The following PLEKHA8 variants were observed in gnomAD, a reference collection of about 807,000 sequenced individuals.
The protein encoded by PLEKHA8 is pleckstrin homology domain containing A8, also known as pleckstrin homology domain-containing family A member 8.
PLEKHA8 carries 36 observed loss-of-function variants against 68.2 expected under a neutral mutation model. The observed-to-expected ratio is 0.53, with a 90% CI of 0.40 to 0.70. PLEKHA8 has a LOEUF of 0.70. PLEKHA8 is among the 30% of genes least tolerant of loss of function. The pLI, the probability that PLEKHA8 is intolerant of heterozygous loss-of-function variation, is 0.00. For synonymous variants in PLEKHA8, 211 were observed against 216.1 expected, an observed-to-expected ratio of 0.98 and a Z score of 0.20; for missense variants, 505 against 615.4, an observed-to-expected ratio of 0.82 and a Z score of 1.90.
At chr7:30,115,817 T>TGCAC (rs1796463631) in intron 13 of PLEKHA8, 1 of 135,670 alleles carries the variant, frequency 7.4e-6, no homozygotes, top group African/African-American at 3.0e-5. Flanking sequence ...CGCATGCATG[T>TGCAC]ATACATGCGT....
chr7:30,084,632 TA>T lies in PLEKHA8; in HGVS notation c.*5848del, dbSNP rs1795103118. On this transcript the variant is annotated 3_prime_UTR_variant, in exon 14 of 14. Transcript: ENST00000449726. Reference sequence around the variant, plus strand: ...CAGATTTTATATTCGTTAGTTATAATAAACTTATTTTTAAAGTATTAAGTTC... The same window carrying T: ...CAGATTTTATATTCGTTAGTTATAATAACTTATTTTTAAAGTATTAAGTTC... The T allele has an allele frequency of 1.1e-6, 1 of 924,410 alleles. No homozygotes were observed. Among genetic ancestry groups the T allele is most frequent in the Non-Finnish European group, 1.3e-6 (1 of 774,734 alleles). 57.3% of individuals were successfully genotyped at this position (924,410 alleles called of 1,614,324 possible).
At chr7:30,063,649 G>A (rs927525197) in intron 12 of PLEKHA8, among the ~76,000 whole-genome samples, 3 of 152,140 alleles carry the variant, frequency 2.0e-5, no homozygotes, top group Non-Finnish European at 4.4e-5. Context: ...CTGCCCCCAC[G>A]TGATTTCCCG....
In PLEKHA8 at chr7:30,080,176, A is replaced by G; in HGVS notation, c.*1389A>G. The G allele has an allele frequency of 1.0e-6, 1 of 985,326 alleles. No individual in the cohort carries two copies. Among genetic ancestry groups the G allele is most frequent in the Non-Finnish European group, 1.2e-6 (1 of 829,842 alleles). The allele number at this position is 985,326 out of a possible 1,614,324, so 61.0% of individuals were successfully genotyped here. A position where few individuals can be genotyped will look rare whatever the true frequency, so the allele number is the denominator to read the frequency against. Reference sequence around the variant, plus strand: ...CATAGTTGAAAGATGAGACTTAAGAAAACAGTTTCTTAAACTTCTTAAAAC... The same window carrying G: ...CATAGTTGAAAGATGAGACTTAAGAGAACAGTTTCTTAAACTTCTTAAAAC... On this transcript the variant is annotated 3_prime_UTR_variant, in exon 14 of 14. Transcript: ENST00000449726.
At chr7:30,121,314 G>C (rs1796693390) in intron 13 of PLEKHA8, among the ~76,000 whole-genome samples, 1 of 151,108 alleles carries the variant, frequency 6.6e-6, no homozygotes, top group Admixed American at 6.6e-5. Context: ...TAAGAGAGGA[G>C]TGGCCAAAGG....
intron 12 of PLEKHA8, among the ~76,000 whole-genome samples, chr7:30,070,613 C>A (rs1388778203): frequency 6.7e-6 from 1 of 148,174 alleles, no homozygotes; most frequent in Non-Finnish European, 1.5e-5. Flanking sequence ...GTGGCGTGAT[C>A]TCGGCTCACT....
Position 30,104,191 on chromosome 7 carries a change from C to G in PLEKHA8, c.1363-25075C>G, listed in dbSNP as rs147560623. On this transcript the variant is annotated intron_variant, in intron 13 of 13. Transcript: ENST00000396257. ...ACTAGTTTGGTGAACATTAAAAGAA[C>G]AAAAACAACAAACATTGGCAACTGG... is the stretch of plus-strand genomic sequence containing the variant. 5.3e-4 allele frequency among the ~76,000 whole-genome samples: 80 copies of G among 152,234 alleles called. 1 individual carries two copies. The highest frequency in any genetic ancestry group is 1.8e-3 in the African/African-American group (74 of 41,550).
At chr7:30,117,710 A>C (rs1029516471) in intron 13 of PLEKHA8, among the ~76,000 whole-genome samples, 4 of 152,162 alleles carry the variant, frequency 2.6e-5, no homozygotes, top group Non-Finnish European at 5.9e-5. Context: ...CCCCCTCCAG[A>C]AAAAAATTAA....
At chr7:30,054,894 G>A (rs1792712886) in intron 8 of PLEKHA8, 29 bp downstream of exon 8, 1 of 1,554,902 alleles carries the variant, frequency 6.4e-7, no homozygotes, top group South Asian at 1.2e-5. Flanking sequence ...TATCACTGAT[G>A]CTTGGATACT....
chr7:30,129,282 G>T lies in PLEKHA8; in HGVS notation c.*11G>T, dbSNP rs118087944. 727 of 1,612,758 alleles carry T rather than the reference G, an allele frequency of 4.5e-4. 5 individuals are homozygous for T. In the East Asian group the frequency reaches 0.012, roughly 26 times the overall value. On this transcript the variant is annotated 3_prime_UTR_variant, in exon 14 of 14. Coordinates refer to the PLEKHA8 transcript ENST00000396257. ...CTGGTGTAGGTGTAGGAATGTGGGT[G>T]TAGACGGAACTCCAGAAACCATCAT...
chr7:30,097,102 A>T (rs1795650120), intron 13 of PLEKHA8, among the ~76,000 whole-genome samples: 1 of 152,162 alleles, frequency 6.6e-6, no homozygotes, highest in Non-Finnish European at 1.5e-5. Flanking sequence ...GTTTGGCTGG[A>T]TATGAAATTC....
chr7:30,065,394 C>A (rs1319240374), intron 12 of PLEKHA8, among the ~76,000 whole-genome samples: 1 of 151,982 alleles, frequency 6.6e-6, no homozygotes, highest in African/African-American at 2.4e-5. Flanking sequence ...AACCCACCCT[C>A]CCTCCAAAGT....
intron 12 of PLEKHA8, among the ~76,000 whole-genome samples, chr7:30,064,690 A>G (rs986635674): frequency 1.3e-5 from 2 of 152,242 alleles, no homozygotes; most frequent in African/African-American, 4.8e-5. Flanking sequence ...TATTTGTCCC[A>G]CATCAGTAAT....
At chr7:30,054,888 A>G (rs1029657297) in intron 8 of PLEKHA8, 23 bp downstream of exon 8, 17 of 1,566,966 alleles carry the variant, frequency 1.1e-5, no homozygotes, top group Admixed American at 5.6e-5. Flanking sequence ...CTTTAATATC[A>G]CTGATGCTTG....
At chr7:30,101,735 A>G (rs1461632960) in intron 13 of PLEKHA8, among the ~76,000 whole-genome samples, 1 of 152,186 alleles carries the variant, frequency 6.6e-6, no homozygotes, top group Non-Finnish European at 1.5e-5. Flanking sequence ...CACACTGAAA[A>G]CTATAAAAAC....
chr7:30,080,248 GCA>G lies in PLEKHA8; in HGVS notation c.*1464_*1465del, dbSNP rs1794856161. The G allele has an allele frequency of 1.0e-6, 1 of 985,280 alleles. No homozygotes were observed. The highest frequency in any genetic ancestry group is 1.7e-5 in the African/African-American group (1 of 57,230). 61.0% of individuals were successfully genotyped at this position (985,280 alleles called of 1,614,324 possible). On this transcript the variant is annotated 3_prime_UTR_variant, in exon 14 of 14. Coordinates refer to ENST00000449726, the MANE Select transcript of PLEKHA8 (RefSeq NM_001197026.2). ...AACAATATTGAGTGGGCATTCTTCT[GCA>G]CAGTGTGATGCTCCAACCCTGGCCC...
chr7:30,095,389 A>G (rs1795573163), downstream of PLEKHA8, among the ~76,000 whole-genome samples: 1 of 151,884 alleles, frequency 6.6e-6, no homozygotes, highest in African/African-American at 2.4e-5. Flanking sequence ...TTTTTCTTGT[A>G]AATTTGTTTG....
In PLEKHA8 at chr7:30,082,516, T is replaced by A; in HGVS notation, c.*3729T>A. On this transcript the variant is annotated 3_prime_UTR_variant, in exon 14 of 14. Transcript: ENST00000449726. ...GTAGCTGGAAAGCGGGTGAATGACA[T>A]GACATGGGGCACCTAGGAAAGATGA... 1.0e-6 allele frequency: 1 copy of A among 985,322 alleles called. No individual in the cohort carries two copies. The highest frequency in any genetic ancestry group is 1.2e-6 in the Non-Finnish European group (1 of 829,920). 61.0% of individuals were successfully genotyped at this position (985,322 alleles called of 1,614,324 possible). A position where few individuals can be genotyped will look rare whatever the true frequency, so the allele number is the denominator to read the frequency against.
At chr7:30,102,980 G>A (rs1007401487) in intron 13 of PLEKHA8, among the ~76,000 whole-genome samples, 7 of 152,218 alleles carry the variant, frequency 4.6e-5, no homozygotes, top group African/African-American at 1.4e-4. Context: ...TGAGGCAGAG[G>A]ATTGCCTGAG....
intron 1 of PLEKHA8, among the ~76,000 whole-genome samples, chr7:30,035,444 C>T (rs532208175): frequency 1.3e-5 from 2 of 152,120 alleles, no homozygotes; most frequent in African/African-American, 4.8e-5. Flanking sequence ...TTAATGATGC[C>T]CAGAAAATTT....
Sources: gnomAD v4.1 joint callset for allele counts (sites outside exome capture counted in the v4.1 genomes callset) on GRCh38, gnomAD v4.1.1 for gene constraint, MANE v1.5 for transcripts, NCBI Gene and HGNC (gene_info 2026-07-23, HGNC 2026-07-21) for gene names.